The following CCNE1 variants were observed in gnomAD, a reference collection of about 807,000 sequenced individuals.
CCNE1 encodes the protein G1/S-specific cyclin-E1.
Under a neutral mutation model 54.1 loss-of-function variants are expected in CCNE1, and 8 were observed. The observed-to-expected ratio is 0.15, with a 90% CI of 0.09 to 0.27. The LOEUF is 0.27. Ranked by LOEUF, CCNE1 falls within the 10% of genes least tolerant of loss-of-function variation. The pLI, the probability that CCNE1 is intolerant of heterozygous loss-of-function variation, is 1.00. For synonymous variants in CCNE1, 179 were observed against 185.2 expected (o/e 0.97, Z 0.27); for missense variants, 430 against 514.9 (o/e 0.84, Z 1.60).
intron 11 of CCNE1, 145 bp from the exon 12 acceptor site, chr19:29,823,510 C>G (rs1974201746): frequency 1.9e-6 from 1 of 531,870 alleles, no homozygotes; most frequent in African/African-American, 2.0e-5. Flanking sequence ...GATCCCACCA[C>G]TGTACTACAG....
intron 7 of CCNE1, 119 bp downstream of exon 7, chr19:29,820,967 A>T: frequency 1.3e-6 from 1 of 759,916 alleles, no homozygotes; most frequent in Non-Finnish European, 2.2e-6. Context: ...CTGATTTGCT[A>T]CCCTGTAAAG....
chr19:29,815,693 A>G (rs111807159), intron 4 of CCNE1, among the ~76,000 whole-genome samples: 1,654 of 142,072 alleles, frequency 0.012, 39 homozygotes, highest in African/African-American at 0.042. Flanking sequence ...CAATGGCGCG[A>G]GCTCGGCTCC....
At chr19:29,816,155 C>CA (rs756490349) in intron 4 of CCNE1, among the ~76,000 whole-genome samples, 7,181 of 72,976 alleles carry the variant, frequency 0.098, 284 homozygotes, top group Non-Finnish European at 0.12. Flanking sequence ...GACCCTCTCT[C>CA]AAAAAAAAAA....
chr19:29,812,634 T>A lies in CCNE1; in HGVS notation c.24-55T>A, dbSNP rs1973918087. On this transcript the variant is annotated intron_variant, in intron 2 of 11. Transcript: ENST00000262643. ...ACGGGACGGGACGGGACGGGTGGCG[T>A]GGGGGAGGGGCGGCCGCGGGTGCTC... 1.9e-6 allele frequency: 3 copies of A among 1,544,910 alleles called. No individual in the cohort carries two copies. In the Admixed American group the frequency reaches 5.9e-5, roughly 31 times the overall value.
intron 4 of CCNE1, among the ~76,000 whole-genome samples, chr19:29,814,766 G>A (rs1485754945): frequency 2.6e-5 from 4 of 152,020 alleles, no homozygotes; most frequent in Admixed American, 1.3e-4. Context: ...CTGCTTCATC[G>A]AGACCACATG....
rs397826246 is a variant in CCNE1, at chr19:29,820,647, T to TC, written c.463-51dup. The TC allele has an allele frequency of 7.3e-5, 92 of 1,265,636 alleles. No individual in the cohort carries two copies. In the East Asian group the frequency reaches 1.1e-3, roughly 15 times the overall value. 78.4% of individuals were successfully genotyped at this position (1,265,636 alleles called of 1,614,324 possible). On this transcript the variant is annotated intron_variant, in intron 6 of 11. Coordinates refer to ENST00000262643, the MANE Select transcript of CCNE1 (RefSeq NM_001238.4). ...AAAGTCATTACAAGTTTTTTTTTTTTCCCCTCCCTCAAGTAAAACTTACTT... is the reference window on the plus strand; with the variant it reads ...AAAGTCATTACAAGTTTTTTTTTTTTCCCCCTCCCTCAAGTAAAACTTACTT...
intron 11 of CCNE1, among the ~76,000 whole-genome samples, chr19:29,823,337 A>G (rs1974195890): frequency 6.6e-6 from 1 of 152,284 alleles, no homozygotes; most frequent in African/African-American, 2.4e-5. Flanking sequence ...TGATATCAGG[A>G]GTTCAAGACT....
At chr19:29,812,350 T>G (rs1973909038) in intron 1 of CCNE1, among the ~76,000 whole-genome samples, 182 bp from the exon 2 acceptor site, 1 of 144,226 alleles carries the variant, frequency 6.9e-6, no homozygotes, top group Non-Finnish European at 1.5e-5. Context: ...GACGGGCCGG[T>G]GAGGGCGGCG....
At chr19:29,812,612 G>A (rs1309015382) in intron 2 of CCNE1, 34 bp downstream of exon 2, 1 of 1,543,190 alleles carries the variant, frequency 6.5e-7, no homozygotes, top group African/African-American at 1.4e-5. Flanking sequence ...GGACGGGACG[G>A]GACGGGACGG....
At chr19:29,822,659 A>G (rs1974180043) in intron 11 of CCNE1, 56 bp downstream of exon 11, 1 of 1,551,838 alleles carries the variant, frequency 6.4e-7, no homozygotes, top group Admixed American at 1.8e-5. Flanking sequence ...AACTGCCTAA[A>G]TAGGCCAGCC....
intron 11 of CCNE1, 55 bp downstream of exon 11, chr19:29,822,658 A>G (rs1974179990): frequency 6.4e-7 from 1 of 1,554,360 alleles, no homozygotes; most frequent in Non-Finnish European, 8.7e-7. Flanking sequence ...AAACTGCCTA[A>G]ATAGGCCAGC....
Position 29,823,912 on chromosome 19 carries a change from T to G in CCNE1, c.*135T>G, listed in dbSNP as rs1486087005. ...GTTTCTTCCACAACAGAAGTATTTCTGTGGATGGCATCAAACAGGGCAAAG... is the reference window on the plus strand; with the variant it reads ...GTTTCTTCCACAACAGAAGTATTTCGGTGGATGGCATCAAACAGGGCAAAG... On this transcript the variant is annotated 3_prime_UTR_variant, in exon 12 of 12. Transcript: ENST00000262643. 2.9e-6 allele frequency: 3 copies of G among 1,028,548 alleles called. No individual in the cohort carries two copies. In the African/African-American group the frequency reaches 4.8e-5, roughly 16 times the overall value. The allele number at this position is 1,028,548 out of a possible 1,614,324, so 63.7% of individuals were successfully genotyped here. A position where few individuals can be genotyped will look rare whatever the true frequency, so the allele number is the denominator to read the frequency against.
Position 29,812,076 on chromosome 19 carries a change from G to GCGCCGC in CCNE1, c.-93_-88dup, listed in dbSNP as rs1393295565. 7 of 148,470 alleles carry GCGCCGC rather than the reference G, an allele frequency of 4.7e-5. No individual in the cohort carries two copies. The Admixed American group carries it at 4.7e-4, about 10-fold the overall frequency. 9.2% of individuals were successfully genotyped at this position (148,470 alleles called of 1,614,324 possible). ...CGCGCGCTCGGCCCGCCGACTCCCG[G>GCGCCGC]CGCCGCCGCCGCCACTGCCGTCGCC... is the stretch of plus-strand genomic sequence containing the variant. On this transcript the variant is annotated 5_prime_UTR_variant, in exon 1 of 12. Coordinates refer to ENST00000262643, the MANE Select transcript of CCNE1 (RefSeq NM_001238.4).
In CCNE1 at chr19:29,823,883, G is replaced by C; in HGVS notation, c.*106G>C. The C allele has an allele frequency of 8.2e-7, 1 of 1,219,222 alleles. No individual in the cohort carries two copies. Among genetic ancestry groups the C allele is most frequent in the Non-Finnish European group, 1.1e-6 (1 of 893,506 alleles). The allele number at this position is 1,219,222 out of a possible 1,614,324, so 75.5% of individuals were successfully genotyped here. ...TGCTTTTACAGATATCTGAATGGAA[G>C]AGTGTTTCTTCCACAACAGAAGTAT... On this transcript the variant is annotated 3_prime_UTR_variant, in exon 12 of 12. Transcript: ENST00000262643.
Position 29,823,655 on chromosome 19 carries a change from G to T in CCNE1, c.1111G>T (p.Asp371Tyr). ...QTHRDSLDLL[D>Y]KARAKKAMLS... ...TTGTCCCTTTTATTCTTACCAACAG[G>T]ACAAAGCCCGAGCAAAGAAAGCCAT... The change falls in exon 12 of 12, where the codon GAC (aspartate) becomes TAC (tyrosine). Residue 371 changes from aspartate (D) to tyrosine (Y), a missense_variant and splice_region_variant. By Grantham distance (160) the Asp-to-Tyr change is radical. Coordinates refer to ENST00000262643, the MANE Select transcript of CCNE1 (RefSeq NM_001238.4). The T allele has an allele frequency of 3.7e-6, 6 of 1,613,912 alleles. No individual in the cohort carries two copies. Among genetic ancestry groups the T allele is most frequent in the Non-Finnish European group, 4.2e-6 (5 of 1,179,874 alleles).
At chr19:29,815,643 G>A (rs567214418) in intron 4 of CCNE1, among the ~76,000 whole-genome samples, 11 of 145,152 alleles carry the variant, frequency 7.6e-5, no homozygotes, top group Middle Eastern at 3.2e-3. Context: ...TTTTTTTTGG[G>A]GGGGGGACAG....
In CCNE1 at chr19:29,822,108, A is replaced by C; in HGVS notation, c.818A>C (p.Gln273Pro). The C allele has an allele frequency of 6.2e-7, 1 of 1,613,854 alleles. No individual in the cohort carries two copies. Among genetic ancestry groups the C allele is most frequent in the Non-Finnish European group, 8.5e-7 (1 of 1,179,986 alleles). Residue 273 changes from glutamine (Q) to proline (P), a missense_variant, in exon 9 of 12, where the codon CAA (glutamine) becomes CCA (proline). Physicochemically the swap from Gln to Pro is moderately conservative, Grantham distance 76 (BLOSUM62 -1). Transcript: ENST00000262643. The stretch of plus-strand genomic sequence containing the variant: ...GTGCTACTGCCGCAGTATCCCCAGC[A>C]AATCTTTATACAGATTGCAGAGGTA... ...HEVLLPQYPQ[Q>P]IFIQIAELLD...
chr19:29,819,811 A>G (rs1974108306), intron 6 of CCNE1, among the ~76,000 whole-genome samples: 1 of 152,202 alleles, frequency 6.6e-6, no homozygotes, highest in South Asian at 2.1e-4. Flanking sequence ...TCTGAAGTGG[A>G]AGGACATCTC....
chr19:29,815,589 A>G (rs543135858), intron 4 of CCNE1, among the ~76,000 whole-genome samples: 53 of 125,944 alleles, frequency 4.2e-4, no homozygotes, highest in Non-Finnish European at 3.1e-4. Context: ...CCAGTTGTCT[A>G]TTTTGTTCTT....
Sources: allele counts gnomAD v4.1 joint callset (sites outside exome capture counted in the v4.1 genomes callset), GRCh38; gene constraint gnomAD v4.1.1; transcripts MANE v1.5; gene names NCBI Gene and HGNC (gene_info 2026-07-23, HGNC 2026-07-21).